Variants in TNFRSF9 observed in about 807,000 individuals in gnomAD.
The protein encoded by TNFRSF9 is tumor necrosis factor receptor superfamily member 9.
In TNFRSF9, 16 loss-of-function variants were observed where a neutral mutation model predicts 28.8. That is an observed-to-expected ratio of 0.55 (90% CI 0.38 to 0.84). TNFRSF9 has a LOEUF of 0.84. TNFRSF9 is among the 40% of genes least tolerant of loss of function. The pLI is 0.00. For synonymous variants in TNFRSF9, 131 were observed against 117.0 expected, an observed-to-expected ratio of 1.12 and a Z score of -0.77; for missense variants, 303 against 315.0, an observed-to-expected ratio of 0.96 and a Z score of 0.29.
chr1:7,935,836 A>G (rs1639808195), intron 5 of TNFRSF9, among the ~76,000 whole-genome samples: 1 of 152,144 alleles, frequency 6.6e-6, no homozygotes, highest in African/African-American at 2.4e-5. Context: ...CCTAAGCCTC[A>G]GTTTTCTCAT....
chr1:7,940,313 A>G (rs1420124539), intron 1 of TNFRSF9, among the ~76,000 whole-genome samples: 1 of 152,184 alleles, frequency 6.6e-6, no homozygotes, highest in Non-Finnish European at 1.5e-5. Context: ...ATTTTCCATC[A>G]TGTTCTGCCA....
intron 7 of TNFRSF9, among the ~76,000 whole-genome samples, chr1:7,931,261 T>C (rs1331944320): frequency 6.6e-6 from 1 of 152,208 alleles, no homozygotes; most frequent in African/African-American, 2.4e-5. Context: ...GCAACGTTAT[T>C]TCTAGGTTAA....
intron 2 of TNFRSF9, among the ~76,000 whole-genome samples, chr1:7,939,091 G>A (rs1430973036): frequency 2.6e-5 from 4 of 152,022 alleles, no homozygotes; most frequent in East Asian, 1.9e-4. Flanking sequence ...AGGCCGAAGC[G>A]GGCAGATCAC....
intron 5 of TNFRSF9, 32 bp from the exon 6 acceptor site, chr1:7,935,175 A>C: frequency 6.2e-7 from 1 of 1,605,248 alleles, no homozygotes; most frequent in Non-Finnish European, 8.5e-7. Flanking sequence ...AATTTAAATA[A>C]TTAACTTAGG....
chr1:7,934,433 G>A (rs1055211399), intron 6 of TNFRSF9, among the ~76,000 whole-genome samples: 7 of 151,320 alleles, frequency 4.6e-5, no homozygotes, highest in Admixed American at 2.0e-4. Flanking sequence ...GACCCTGGAC[G>A]GGCGTGGTGG....
intron 7 of TNFRSF9, among the ~76,000 whole-genome samples, chr1:7,923,849 A>AT (rs968520945): frequency 6.6e-6 from 1 of 150,876 alleles, no homozygotes; most frequent in Non-Finnish European, 1.5e-5. Flanking sequence ...CTTCTAAAAA[A>AT]TTTTTTTTTT....
chr1:7,939,543 G>A (rs981211654), intron 2 of TNFRSF9, among the ~76,000 whole-genome samples: 50 of 152,158 alleles, frequency 3.3e-4, no homozygotes, highest in African/African-American at 1.1e-3. Flanking sequence ...TTTACTACGC[G>A]CTTACTCGCT....
In TNFRSF9 at chr1:7,940,079, C is replaced by T; in HGVS notation, c.-84-1G>A. The T allele has an allele frequency of 1.1e-6, 1 of 928,398 alleles. No individual in the cohort carries two copies. Among genetic ancestry groups the T allele is most frequent in the Non-Finnish European group, 1.7e-6 (1 of 594,650 alleles). The allele number at this position is 928,398 out of a possible 1,614,324, so 57.5% of individuals were successfully genotyped here. On this transcript the variant is annotated splice_acceptor_variant, in intron 1 of 7. Coordinates refer to ENST00000377507, the MANE Select transcript of TNFRSF9 (RefSeq NM_001561.6). LOFTEE classifies it low-confidence loss of function (5UTR_SPLICE). ...ATTAGCTGGTCTCACAAATGTCACT[C>T]TGCAAAAGATAAACATTTCCAAGGA...
At chr1:7,932,780 C>A (rs1188839012) in intron 7 of TNFRSF9, among the ~76,000 whole-genome samples, 3 of 151,938 alleles carry the variant, frequency 2.0e-5, no homozygotes, top group Non-Finnish European at 2.9e-5. Flanking sequence ...TCCAAGGCTG[C>A]AGCATATTTA....
At chr1:7,937,625 T>G (rs917097938) in intron 5 of TNFRSF9, 65 bp downstream of exon 5, 1 of 1,370,506 alleles carries the variant, frequency 7.3e-7, no homozygotes, top group Non-Finnish European at 1.0e-6. Flanking sequence ...ATGATAGCAT[T>G]CCTTATCTTC....
At chr1:7,932,730 CACAT>C (rs1232460988) in intron 7 of TNFRSF9, among the ~76,000 whole-genome samples, 1 of 142,878 alleles carries the variant, frequency 7.0e-6, no homozygotes, top group African/African-American at 2.9e-5. Flanking sequence ...CGCACACACA[CACAT>C]ACACACACAC....
At position 7,935,138 on chromosome 1, in the gene TNFRSF9, G is replaced by A. The variant is rs772174985; in HGVS notation, c.419C>T (p.Ser140Phe). 4 of 1,614,152 alleles carry A rather than the reference G, an allele frequency of 2.5e-6. No homozygotes were observed. Residue 140 changes from serine (S) to phenylalanine (F), a missense_variant, in exon 6 of 8, where the codon TCT (serine) becomes TTT (phenylalanine). Ser to Phe is a radical substitution (Grantham distance 155). Coordinates refer to ENST00000377507, the MANE Select transcript of TNFRSF9 (RefSeq NM_001561.6). ...CACAAGCACAGACTTTCCATCCAAA[G>A]AACAGCTTAGACAGTTCAATGAAAA... Reference protein sequence around the residue: ...RGICRPWTNCSLDGKSVLVNG... With the variant: ...RGICRPWTNCFLDGKSVLVNG...
At chr1:7,929,328 G>A (rs1639699988) in intron 7 of TNFRSF9, among the ~76,000 whole-genome samples, 1 of 151,726 alleles carries the variant, frequency 6.6e-6, no homozygotes, top group Non-Finnish European at 1.5e-5. Flanking sequence ...ACCATGCAGG[G>A]CTAACTTTTT....
chr1:7,920,669 G>A lies in TNFRSF9; in HGVS notation c.*166C>T, dbSNP rs1639543586. On this transcript the variant is annotated 3_prime_UTR_variant, in exon 8 of 8. Coordinates refer to ENST00000377507, the MANE Select transcript of TNFRSF9 (RefSeq NM_001561.6). Reference sequence around the variant, plus strand: ...CTGTCAAAAAAAAAAAAAAAGTGGTGCATTTTTAAAGGCCAACTCATTGGC... The same window carrying A: ...CTGTCAAAAAAAAAAAAAAAGTGGTACATTTTTAAAGGCCAACTCATTGGC... 1 of 575,384 alleles carries A rather than the reference G, an allele frequency of 1.7e-6. No homozygotes were observed. The highest frequency in any genetic ancestry group is 3.1e-6 in the Non-Finnish European group (1 of 323,606). The allele number at this position is 575,384 out of a possible 1,614,324, so 35.6% of individuals were successfully genotyped here.
At chr1:7,937,414 C>A (rs1187146328) in intron 5 of TNFRSF9, among the ~76,000 whole-genome samples, 4 of 152,184 alleles carry the variant, frequency 2.6e-5, no homozygotes, top group Admixed American at 6.5e-5. Flanking sequence ...CTGTCTCAGC[C>A]TCCCAAAGTG....
chr1:7,926,895 TG>T (rs990424223), intron 7 of TNFRSF9, among the ~76,000 whole-genome samples: 9 of 152,108 alleles, frequency 5.9e-5, no homozygotes, highest in African/African-American at 2.2e-4. Flanking sequence ...ACAAAAAACT[TG>T]GCTAAAACCT....
chr1:7,939,859 G>T, intron 2 of TNFRSF9, 36 bp downstream of exon 2: 1 of 1,506,726 alleles, frequency 6.6e-7, no homozygotes. Context: ...ACTTCCAACA[G>T]AGCAGATCAA....
rs758587582 is a variant in TNFRSF9, at chr1:7,938,863, C to T, written c.101-35G>A. 2.7e-6 allele frequency: 4 copies of T among 1,476,648 alleles called. No individual in the cohort carries two copies. In the South Asian group the frequency reaches 3.5e-5, roughly 13 times the overall value. 91.5% of individuals were successfully genotyped at this position (1,476,648 alleles called of 1,614,324 possible). ...GCAGACAATAGTGGTACACGTTTGA[C>T]AATGGGCAATCGTCACCCAAGGCAT... On this transcript the variant is annotated intron_variant, in intron 2 of 7. Coordinates refer to ENST00000377507, the MANE Select transcript of TNFRSF9 (RefSeq NM_001561.6).
At position 7,927,765 on chromosome 1, in the gene TNFRSF9, C is replaced by T. The variant is rs1639676605; in HGVS notation, c.679+5397G>A. 2.0e-5 allele frequency among the ~76,000 whole-genome samples: 3 copies of T among 150,962 alleles called. No homozygotes were observed. In the South Asian group the frequency reaches 6.3e-4, roughly 31 times the overall value. On this transcript the variant is annotated intron_variant, in intron 7 of 7. Transcript: ENST00000377507. ...AACCCTAAATCTTTGAGACCCAGGA[C>T]TCAGTGAAGAATTCTTAGACATGAC...
Sources: gnomAD v4.1 joint callset for allele counts (sites outside exome capture counted in the v4.1 genomes callset) on GRCh38, gnomAD v4.1.1 for gene constraint, MANE v1.5 for transcripts, NCBI Gene and HGNC (gene_info 2026-07-23, HGNC 2026-07-21) for gene names.